Variants in ANKRD16 observed in about 807,000 individuals in gnomAD.
ANKRD16 encodes ankyrin repeat domain 16, also known as ankyrin repeat domain-containing protein 16.
ANKRD16 carries 35 observed loss-of-function variants against 37.9 expected under a neutral mutation model. The observed-to-expected ratio is 0.92, with a 90% CI of 0.71 to 1.23. ANKRD16 has a LOEUF of 1.23. ANKRD16 is among the 50% of genes most tolerant of loss of function. The pLI, the probability that ANKRD16 is intolerant of heterozygous loss-of-function variation, is 0.00. For synonymous variants in ANKRD16, 206 were observed against 197.2 expected, an observed-to-expected ratio of 1.04 and a Z score of -0.37; for missense variants, 480 against 469.9, an observed-to-expected ratio of 1.02 and a Z score of -0.20.
In ANKRD16 at chr10:5,885,772, G is replaced by A. The variant is rs201784562; in HGVS notation, c.536-7C>T. 2.8e-5 allele frequency: 44 copies of A among 1,597,552 alleles called. No individual in the cohort carries two copies. In the East Asian group the frequency reaches 4.0e-4, roughly 15 times the overall value. On this transcript the variant is annotated splice_polypyrimidine_tract_variant and splice_region_variant and intron_variant, in intron 2 of 7. Coordinates refer to ENST00000380094, the MANE Select transcript of ANKRD16 (RefSeq NM_019046.3). ...TCCAAATGGCCATGCATTGCTGGGA[G>A]GAGAAAGAAAGCTGAGAATTAGAGC...
rs1336551721 is a variant in ANKRD16 at position 5,874,188 on chromosome 10, C to T, written c.*33+3909G>A. On this transcript the variant is annotated intron_variant, in intron 7 of 7. Transcript: ENST00000380094. This position sits in a 1 kb window ranked among gnomAD's most constrained non-coding sequence, Gnocchi z 4.7. ...ACAGGTGTAAGCCATCGTGCCTGGG[C>T]GAGACTTCTGCTTTGATTGAGCTTA... Among the ~76,000 whole-genome samples, 1 of 152,190 alleles carries T rather than the reference C, an allele frequency of 6.6e-6. No homozygotes were observed. Among genetic ancestry groups the T allele is most frequent in the Non-Finnish European group, 1.5e-5 (1 of 68,036 alleles).
At chr10:5,873,026 A>ATCT (rs1368815361) in intron 7 of ANKRD16, among the ~76,000 whole-genome samples, 20 of 88,846 alleles carry the variant, frequency 2.3e-4, no homozygotes, top group African/African-American at 7.7e-4. Context: ...CACCTGGCTA[A>ATCT]TCTTTTTTTT....
intron 3 of ANKRD16, 30 bp downstream of exon 3, chr10:5,885,693 A>G: frequency 6.2e-7 from 1 of 1,612,820 alleles, no homozygotes; most frequent in South Asian, 1.1e-5. Flanking sequence ...GTTAGCAAAT[A>G]TTTTCCCTGA....
At chr10:5,882,975 A>T in intron 5 of ANKRD16, 31 bp downstream of exon 5, 1 of 1,605,536 alleles carries the variant, frequency 6.2e-7, no homozygotes, top group Non-Finnish European at 8.5e-7. Context: ...GCCTCAGGGA[A>T]GCTCGGACAA....
intron 5 of ANKRD16, 92 bp from the exon 6 acceptor site, chr10:5,880,468 T>C (rs138975719): frequency 3.2e-5 from 22 of 686,876 alleles, no homozygotes; most frequent in Admixed American, 6.7e-5. Flanking sequence ...TCAATCAATT[T>C]AGAAGTTTAT....
In ANKRD16 at chr10:5,874,593, A is replaced by C. The variant is rs938464966; in HGVS notation, c.*33+3504T>G. Among the ~76,000 whole-genome samples the C allele has an allele frequency of 6.6e-6, 1 of 152,198 alleles. No homozygotes were observed. The highest frequency in any genetic ancestry group is 2.1e-4 in the South Asian group (1 of 4,834). On this transcript the variant is annotated intron_variant, in intron 7 of 7. Transcript: ENST00000380094. This position sits in a 1 kb window ranked among gnomAD's most constrained non-coding sequence, Gnocchi z 4.7. ...AGTCATGACTGACCCCCAGCTTTCCAACACAGGTTGGGTGAGCTGTGATGC... is the reference window on the plus strand; with the variant it reads ...AGTCATGACTGACCCCCAGCTTTCCCACACAGGTTGGGTGAGCTGTGATGC...
chr10:5,881,264 C>A (rs987645335), intron 5 of ANKRD16, among the ~76,000 whole-genome samples: 6 of 151,000 alleles, frequency 4.0e-5, no homozygotes, highest in African/African-American at 1.5e-4. Flanking sequence ...CAGTACAAAT[C>A]TTGTGATTTA....
At position 5,871,286 on chromosome 10, in the gene ANKRD16, C is replaced by G. The variant is rs7073128; in HGVS notation, c.*33+6811G>C. ...CCTGTAATCCCAGCTACTCAGGAGG[C>G]TGAGGCAGGAGAATCGCTTGAACCC... On this transcript the variant is annotated intron_variant, in intron 7 of 7. Coordinates refer to ENST00000380094, the MANE Select transcript of ANKRD16 (RefSeq NM_019046.3). The surrounding 1 kb of genome is among the most constrained non-coding windows in gnomAD (Gnocchi z 4.5). 0.42 allele frequency among the ~76,000 whole-genome samples: 63,060 copies of G among 151,820 alleles called. 13,639 individuals are homozygous for G. Among genetic ancestry groups the G allele is most frequent in the African/African-American group, 0.47 (19,477 of 41,330 alleles).
chr10:5,867,661 C>T (rs1842035880), intron 7 of ANKRD16, among the ~76,000 whole-genome samples: 1 of 152,172 alleles, frequency 6.6e-6, no homozygotes, highest in Admixed American at 6.5e-5. Context: ...CCCCTCAAAG[C>T]TCAAGTCCAT....
chr10:5,880,345 A>G lies in ANKRD16; in HGVS notation c.881T>C (p.Leu294Ser). The change falls in exon 6 of 8, where the codon TTA becomes TCA. Residue 294 changes from leucine to serine, a missense_variant. Physicochemically the swap from Leu to Ser is moderately radical, Grantham distance 145 (BLOSUM62 -2). Coordinates refer to ENST00000380094, the MANE Select transcript of ANKRD16 (RefSeq NM_019046.3). ...AGAATTGATGTCAGCTCCCAAGGAT[A>G]AGAGAGTCTGAATTGTACTTGTATG... ...EGHTSTIQTL[L>S]SLGADINSKD... is the part of the protein sequence containing the mutation. 6.2e-7 allele frequency: 1 copy of G among 1,606,344 alleles called. No individual in the cohort carries two copies. Among genetic ancestry groups the G allele is most frequent in the South Asian group, 1.1e-5 (1 of 89,218 alleles).
rs2053061343 is a variant in ANKRD16, at chr10:5,869,839, A to C, written c.*34-7148T>G. On this transcript the variant is annotated intron_variant, in intron 7 of 7. Transcript: ENST00000380094. This position sits in a 1 kb window ranked among gnomAD's most constrained non-coding sequence, Gnocchi z 4.0. The stretch of plus-strand genomic sequence containing the variant: ...TAATTTCAACTTTTATTTTAAATAC[A>C]GGGGGTACATGTGCAGGTTTGTTAC... Among the ~76,000 whole-genome samples, 1 of 152,072 alleles carries C rather than the reference A, an allele frequency of 6.6e-6. No individual in the cohort carries two copies. Among genetic ancestry groups the C allele is most frequent in the Admixed American group, 6.5e-5 (1 of 15,268 alleles).
chr10:5,889,453 A>C lies in ANKRD16; in HGVS notation c.-99T>G. 2 of 884,818 alleles carry C rather than the reference A, an allele frequency of 2.3e-6. No homozygotes were observed. Among genetic ancestry groups the C allele is most frequent in the South Asian group, 5.5e-5 (1 of 18,076 alleles). The allele number at this position is 884,818 out of a possible 1,614,324, so 54.8% of individuals were successfully genotyped here. A position where few individuals can be genotyped will look rare whatever the true frequency, so the allele number is the denominator to read the frequency against. ...GGCGAGTGGGACTTTCCGCCTCTTCACGCAACCTGCCCCGCGCGCCCCGAA... is the reference window on the plus strand; with the variant it reads ...GGCGAGTGGGACTTTCCGCCTCTTCCCGCAACCTGCCCCGCGCGCCCCGAA... On this transcript the variant is annotated 5_prime_UTR_variant, in exon 1 of 8. Coordinates refer to ENST00000380094, the MANE Select transcript of ANKRD16 (RefSeq NM_019046.3).
At chr10:5,884,948 C>T (rs943278676) in intron 3 of ANKRD16, among the ~76,000 whole-genome samples, 6 of 152,118 alleles carry the variant, frequency 3.9e-5, no homozygotes, top group African/African-American at 4.8e-5. Flanking sequence ...TCTTTTTCTC[C>T]TTCAGGTCAC....
At position 5,882,867 on chromosome 10, in the gene ANKRD16, T is replaced by A. The variant is rs116139185; in HGVS notation, c.849+139A>T. On this transcript the variant is annotated intron_variant, in intron 5 of 7. Transcript: ENST00000380094. ...TTTAAAGAGATAAAGCGCTTCAGAA[T>A]CCTGACCATTTCAGAAGAATATCAT... is the stretch of plus-strand genomic sequence containing the variant. The A allele has an allele frequency of 1.0e-3, 935 of 926,482 alleles. 7 individuals are homozygous for A. The African/African-American group carries it at 0.014, about 14-fold the overall frequency. 57.4% of individuals were successfully genotyped at this position (926,482 alleles called of 1,614,324 possible). A position where few individuals can be genotyped will look rare whatever the true frequency, so the allele number is the denominator to read the frequency against.
rs1842212556 is a variant in ANKRD16, at chr10:5,878,099, T to C, written c.*31A>G. ...TTAAGAAGCAGGATATGAATTACCA[T>C]GCACTTTATTGCCTCCTCTTGGAAA... On this transcript the variant is annotated splice_region_variant and 3_prime_UTR_variant, in exon 7 of 8. Coordinates refer to ENST00000380094, the MANE Select transcript of ANKRD16 (RefSeq NM_019046.3). This position sits in a 1 kb window ranked among gnomAD's most constrained non-coding sequence, Gnocchi z 5.1. 2 of 1,603,150 alleles carry C rather than the reference T, an allele frequency of 1.2e-6. No homozygotes were observed. The highest frequency in any genetic ancestry group is 1.1e-5 in the South Asian group (1 of 89,518).
chr10:5,877,617 G>A (rs1842204235), intron 7 of ANKRD16, among the ~76,000 whole-genome samples: 1 of 152,194 alleles, frequency 6.6e-6, no homozygotes, highest in Admixed American at 6.5e-5. Context: ...AACCAAAAGT[G>A]AACCATTGTA....
intron 4 of ANKRD16, 37 bp downstream of exon 4, chr10:5,883,932 A>T: frequency 3.8e-6 from 6 of 1,587,384 alleles, no homozygotes; most frequent in Non-Finnish European, 5.2e-6. Context: ...AATTTATAGG[A>T]AGAACCAAAA....
rs7086498 is a variant in ANKRD16, at chr10:5,864,981, G to A, written c.*34-2290C>T. 0.026 allele frequency among the ~76,000 whole-genome samples: 3,983 copies of A among 152,168 alleles called. 162 individuals carry two copies. The highest frequency in any genetic ancestry group is 0.09 in the African/African-American group (3,738 of 41,472). On this transcript the variant is annotated intron_variant, in intron 7 of 7. Coordinates refer to ENST00000380094, the MANE Select transcript of ANKRD16 (RefSeq NM_019046.3). This position sits in a 1 kb window ranked among gnomAD's most constrained non-coding sequence, Gnocchi z 4.4. ...CCAATCAGCCACAGATATCAGGAGA[G>A]AGCTCCAAAAGCGAGCCCTGGGCCC... is the stretch of plus-strand genomic sequence containing the variant.
chr10:5,878,701 G>C lies in ANKRD16; in HGVS notation c.929-414C>G, dbSNP rs892358689. Among the ~76,000 whole-genome samples the C allele has an allele frequency of 5.9e-5, 9 of 151,814 alleles. No individual in the cohort carries two copies. The highest frequency in any genetic ancestry group is 1.9e-4 in the African/African-American group (8 of 41,346). ...TAATCCCAGCTACTCGGGAGGCTGAGGCAGGAAAATCGCTTGAACCCAGGA... is the reference window on the plus strand; with the variant it reads ...TAATCCCAGCTACTCGGGAGGCTGACGCAGGAAAATCGCTTGAACCCAGGA... On this transcript the variant is annotated intron_variant, in intron 6 of 7. Transcript: ENST00000380094. This position sits in a 1 kb window ranked among gnomAD's most constrained non-coding sequence, Gnocchi z 5.1.
Sources: gnomAD v4.1 joint callset for allele counts (sites outside exome capture counted in the v4.1 genomes callset) on GRCh38, gnomAD v4.1.1 for gene constraint, Gnocchi (gnomAD v3.1) non-coding constraint, MANE v1.5 for transcripts, NCBI Gene and HGNC (gene_info 2026-07-23, HGNC 2026-07-21) for gene names.